Variants in FOXP2 observed in about 807,000 individuals in gnomAD.
The protein encoded by FOXP2 is forkhead box P2.
FOXP2 carries 12 observed loss-of-function variants against 115.8 expected under a neutral mutation model. The ratio of observed to expected loss-of-function variants is 0.10; its 90% CI spans 0.07 to 0.17. The LOEUF (loss-of-function observed/expected upper bound fraction) is 0.17. Among genes scored for constraint, FOXP2 ranks in the 10% least tolerant of loss-of-function variants. FOXP2 has a pLI of 1.00. For missense variants in FOXP2, 629 were observed against 843.5 expected (o/e 0.75, Z 3.15); for synonymous variants, 328 against 297.7 (o/e 1.10, Z -1.05).
At chr7:114,434,306 A>G (rs959890730) in intron 2 of FOXP2, among the ~76,000 whole-genome samples, 1 of 151,914 alleles carries the variant, frequency 6.6e-6, no homozygotes, top group Non-Finnish European at 1.5e-5. Context: ...AATTGAGATT[A>G]GTGAGAAATC....
chr7:114,351,050 A>G (rs1203882308), intron 2 of FOXP2, among the ~76,000 whole-genome samples: 2 of 152,146 alleles, frequency 1.3e-5, no homozygotes, highest in Non-Finnish European at 2.9e-5. Context: ...AAAAATGTCT[A>G]TACATGGTAA....
At chr7:114,234,408 GA>G (rs1235407304) in intron 1 of FOXP2, among the ~76,000 whole-genome samples, 1 of 152,042 alleles carries the variant, frequency 6.6e-6, no homozygotes, top group Non-Finnish European at 1.5e-5. Flanking sequence ...TTTTAACTAG[GA>G]AAAAATAATT....
In FOXP2 at chr7:114,265,335, A is replaced by C. The variant is rs146173967; in HGVS notation, c.-101-22684A>C. On this transcript the variant is annotated intron_variant, in intron 1 of 17. Coordinates refer to the FOXP2 transcript ENST00000634411. ...CAGGTCTCAGGTGAGTTTGAAACCC[A>C]GCAGGGCAGTCATTAAACCTGAAAG... Among the ~76,000 whole-genome samples the C allele has an allele frequency of 6.2e-4, 94 of 152,308 alleles. 1 individual carries two copies. In the East Asian group the frequency reaches 0.016, roughly 27 times the overall value.
In FOXP2 at chr7:114,689,770, C is replaced by A. The variant is rs1808559622; in HGVS notation, c.2004-12C>A. On this transcript the variant is annotated splice_polypyrimidine_tract_variant and intron_variant, in intron 16 of 16. Transcript: ENST00000350908. ...ACTTAGTAAAATTTTGGTGTATCTA[C>A]ATGTTTTTCAGACATTCAATCCACG... The A allele has an allele frequency of 1.9e-6, 3 of 1,612,908 alleles. No individual in the cohort carries two copies. Among genetic ancestry groups the A allele is most frequent in the Non-Finnish European group, 2.5e-6 (3 of 1,179,284 alleles).
chr7:114,436,607 A>G (rs770991644), intron 2 of FOXP2, among the ~76,000 whole-genome samples: 11 of 151,882 alleles, frequency 7.2e-5, no homozygotes, highest in Non-Finnish European at 1.3e-4. Flanking sequence ...GCAAAAACTG[A>G]CATGGCCCTT....
chr7:114,361,578 A>G (rs1791745704), intron 2 of FOXP2, among the ~76,000 whole-genome samples: 2 of 152,112 alleles, frequency 1.3e-5, no homozygotes, highest in Admixed American at 1.3e-4. Flanking sequence ...AAGTTTTATG[A>G]GCAAGATAGT....
At chr7:114,399,041 A>G (rs985688185) in intron 2 of FOXP2, among the ~76,000 whole-genome samples, 1 of 151,906 alleles carries the variant, frequency 6.6e-6, no homozygotes, top group Admixed American at 6.6e-5. Flanking sequence ...TGATCTGCTT[A>G]CAGAAGATCA....
At chr7:114,101,241 T>A (rs1288634759) in intron 1 of FOXP2, among the ~76,000 whole-genome samples, 2 of 152,106 alleles carry the variant, frequency 1.3e-5, no homozygotes, top group African/African-American at 2.4e-5. Flanking sequence ...TTTCAGAGGG[T>A]ATTCCAAGGC....
chr7:114,240,129 A>T (rs1228088538), intron 1 of FOXP2, among the ~76,000 whole-genome samples: 1 of 152,198 alleles, frequency 6.6e-6, no homozygotes, highest in African/African-American at 2.4e-5. Context: ...ATCTTAATAA[A>T]TGCAGAAAGA....
chr7:114,535,612 C>T (rs1799350716), intron 3 of FOXP2, among the ~76,000 whole-genome samples: 1 of 151,510 alleles, frequency 6.6e-6, no homozygotes, highest in African/African-American at 2.4e-5. Context: ...GTAACTAAGT[C>T]TTACATGATG....
In FOXP2 at chr7:114,626,373, C is replaced by A. The variant is rs1338721622; in HGVS notation, c.259-2167C>A. 2.0e-5 allele frequency among the ~76,000 whole-genome samples: 3 copies of A among 151,692 alleles called. No individual in the cohort carries two copies. The East Asian group carries it at 5.8e-4, about 29-fold the overall frequency. On this transcript the variant is annotated intron_variant, in intron 3 of 16. Transcript: ENST00000350908. Reference sequence around the variant, plus strand: ...ATACCTCCATTCATAGAACTTTCCCCATAAAGTTCACTTATCATTATACAT... The same window carrying A: ...ATACCTCCATTCATAGAACTTTCCCAATAAAGTTCACTTATCATTATACAT...
At chr7:114,293,441 T>A (rs1295491547) in intron 2 of FOXP2, among the ~76,000 whole-genome samples, 4 of 152,154 alleles carry the variant, frequency 2.6e-5, no homozygotes, top group Non-Finnish European at 5.9e-5. Context: ...ACAAACAATG[T>A]GCAACTTCCT....
At chr7:114,300,612 C>T (rs562500337) in intron 2 of FOXP2, among the ~76,000 whole-genome samples, 1 of 151,990 alleles carries the variant, frequency 6.6e-6, no homozygotes, top group African/African-American at 2.4e-5. Context: ...GTATAATTAA[C>T]CAGATGCCTC....
Position 114,168,738 on chromosome 7 carries a change from G to A in FOXP2, c.-102+5650G>A, listed in dbSNP as rs575523270. Among the ~76,000 whole-genome samples the A allele has an allele frequency of 4.6e-5, 7 of 152,312 alleles. No homozygotes were observed. The East Asian group carries it at 1.4e-3, about 29-fold the overall frequency. ...TCAAGACAATGGGGAAAACGTCTCT[G>A]TGGCATGTCAGAGGTCTTCATGGCA... On this transcript the variant is annotated intron_variant, in intron 1 of 17. Coordinates refer to the FOXP2 transcript ENST00000634411.
At chr7:114,689,078 G>T (rs895175218) in intron 16 of FOXP2, among the ~76,000 whole-genome samples, 2 of 152,092 alleles carry the variant, frequency 1.3e-5, no homozygotes, top group Admixed American at 6.6e-5. Flanking sequence ...ATATATTTTG[G>T]GGTTGGAGGG....
At chr7:114,295,395 A>AT (rs1230634830) in intron 2 of FOXP2, among the ~76,000 whole-genome samples, 2 of 152,174 alleles carry the variant, frequency 1.3e-5, no homozygotes, top group African/African-American at 4.8e-5. Context: ...AAACTTACTG[A>AT]TTGTTTTGTG....
chr7:114,504,379 C>T (rs1442735636), intron 2 of FOXP2, among the ~76,000 whole-genome samples: 4 of 151,670 alleles, frequency 2.6e-5, no homozygotes, highest in South Asian at 4.1e-4. Context: ...ATCTGCCTTT[C>T]ACCTGTACTT....
intron 2 of FOXP2, among the ~76,000 whole-genome samples, chr7:114,383,305 C>G (rs1031612201): frequency 6.6e-6 from 1 of 152,132 alleles, no homozygotes; most frequent in African/African-American, 2.4e-5. Flanking sequence ...CTGGCTGGGC[C>G]GAATTCTCCT....
At position 114,486,144 on chromosome 7, in the gene FOXP2, G is replaced by A. The variant is rs113450895; in HGVS notation, c.169-48473G>A. On this transcript the variant is annotated intron_variant, in intron 2 of 16. Transcript: ENST00000350908. ...TCACACTGCTAATAAAGACATACCC[G>A]AGACTGGGTAATTTATAAAGTAAAG... Among the ~76,000 whole-genome samples, 227 of 152,158 alleles carry A rather than the reference G, an allele frequency of 1.5e-3. 1 individual carries two copies. The highest frequency in any genetic ancestry group is 6.8e-3 in the Middle Eastern group (2 of 294).
Sources: gnomAD v4.1 joint callset for allele counts (sites outside exome capture counted in the v4.1 genomes callset) on GRCh38, gnomAD v4.1.1 for gene constraint, MANE v1.5 for transcripts, NCBI Gene and HGNC (gene_info 2026-07-23, HGNC 2026-07-21) for gene names.